The following FOXP2 variants were observed in gnomAD, a reference collection of about 807,000 sequenced individuals.
The protein encoded by FOXP2 is forkhead box protein P2.
Under a neutral mutation model 115.8 loss-of-function variants are expected in FOXP2, and 12 were observed. That is an observed-to-expected ratio of 0.10 (90% CI 0.07 to 0.17). FOXP2 has a LOEUF of 0.17. FOXP2 is among the 10% of genes least tolerant of loss of function. FOXP2 has a pLI of 1.00. For synonymous variants in FOXP2, 328 were observed against 297.7 expected (o/e 1.10, Z -1.05); for missense variants, 629 against 843.5 (o/e 0.75, Z 3.15).
chr7:114,213,357 A>G (rs1362576708), intron 1 of FOXP2, among the ~76,000 whole-genome samples: 1 of 152,200 alleles, frequency 6.6e-6, no homozygotes, highest in South Asian at 2.1e-4. Context: ...ATAACTGTAC[A>G]TTTTGGAGAA....
intron 1 of FOXP2, among the ~76,000 whole-genome samples, chr7:114,246,457 G>T (rs1204901255): frequency 1.3e-5 from 2 of 152,004 alleles, no homozygotes; most frequent in Admixed American, 6.6e-5. Context: ...TAAGATAAAA[G>T]AAGTAATATT....
rs74801898 is a variant in FOXP2 at position 114,322,497 on chromosome 7, A to G, written c.-11+34388A>G. On this transcript the variant is annotated intron_variant, in intron 2 of 17. Transcript: ENST00000634411. ...ACAAAACATTAATATAAATAAAACA[A>G]ATACTTACATTTAATTTTCCCCTGC... 3.2e-4 allele frequency among the ~76,000 whole-genome samples: 48 copies of G among 152,158 alleles called. No individual in the cohort carries two copies. The East Asian group carries it at 8.9e-3, about 28-fold the overall frequency.
chr7:114,107,056 A>T (rs1791136651), intron 1 of FOXP2, among the ~76,000 whole-genome samples: 1 of 151,974 alleles, frequency 6.6e-6, no homozygotes, highest in Admixed American at 6.6e-5. Flanking sequence ...ATAGGGTTAG[A>T]TAAATGATTT....
chr7:114,528,779 A>C (rs1246941350), intron 2 of FOXP2, among the ~76,000 whole-genome samples: 1 of 151,898 alleles, frequency 6.6e-6, no homozygotes, highest in African/African-American at 2.4e-5. Context: ...ATAATGAAAA[A>C]AAAAACCCTG....
intron 3 of FOXP2, among the ~76,000 whole-genome samples, chr7:114,615,522 G>A (rs1803892431): frequency 1.3e-5 from 2 of 152,090 alleles, no homozygotes; most frequent in African/African-American, 4.8e-5. Context: ...CTTTTGGCTT[G>A]GATATTATAA....
chr7:114,366,792 G>T (rs1295615922), intron 2 of FOXP2, among the ~76,000 whole-genome samples: 2 of 152,038 alleles, frequency 1.3e-5, no homozygotes, highest in Non-Finnish European at 2.9e-5. Context: ...TTTTGTCTTA[G>T]ATGCCATTTA....
At chr7:114,169,563 G>A (rs1192876186) in intron 1 of FOXP2, among the ~76,000 whole-genome samples, 3 of 152,152 alleles carry the variant, frequency 2.0e-5, no homozygotes, top group Non-Finnish European at 4.4e-5. Flanking sequence ...GGTTCATGGG[G>A]GGAAGGGACT....
chr7:114,202,006 T>C (rs1182638100), intron 1 of FOXP2, among the ~76,000 whole-genome samples: 1 of 152,190 alleles, frequency 6.6e-6, no homozygotes, highest in Non-Finnish European at 1.5e-5. Flanking sequence ...TCTCTGTTTA[T>C]AGATGAAAAA....
intron 1 of FOXP2, among the ~76,000 whole-genome samples, chr7:114,213,590 A>G (rs921847863): frequency 2.6e-5 from 4 of 152,170 alleles, no homozygotes; most frequent in Admixed American, 6.6e-5. Flanking sequence ...ATCTTTAAAA[A>G]CTATATTAAT....
At chr7:114,273,560 A>G (rs978239413) in intron 1 of FOXP2, among the ~76,000 whole-genome samples, 6 of 152,076 alleles carry the variant, frequency 3.9e-5, no homozygotes, top group African/African-American at 1.4e-4. Context: ...GTTTTTAACT[A>G]TAATAGTAGA....
chr7:114,628,745 A>C (rs778143718), intron 4 of FOXP2, 68 bp downstream of exon 4: 6 of 1,594,474 alleles, frequency 3.8e-6, no homozygotes, highest in Non-Finnish European at 5.2e-6. Flanking sequence ...TTGAAAGTGC[A>C]GTGGGCATAT....
intron 2 of FOXP2, among the ~76,000 whole-genome samples, chr7:114,430,385 AAG>A (rs1488255562): frequency 2.6e-5 from 4 of 151,736 alleles, no homozygotes; most frequent in African/African-American, 4.8e-5. Context: ...GTGCACCAAA[AAG>A]AGAATATATC....
intron 2 of FOXP2, among the ~76,000 whole-genome samples, chr7:114,392,528 G>C (rs1792628803): frequency 6.6e-6 from 1 of 152,166 alleles, no homozygotes; most frequent in Admixed American, 6.5e-5. Flanking sequence ...GAATCCTTGA[G>C]TGCTTCTCTG....
chr7:114,350,148 A>C (rs969599728), intron 2 of FOXP2, among the ~76,000 whole-genome samples: 1 of 152,084 alleles, frequency 6.6e-6, no homozygotes, highest in East Asian at 1.9e-4. Context: ...TTTTTATTTT[A>C]CTTTAAGTTC....
chr7:114,562,128 A>T (rs1800786980), intron 3 of FOXP2, among the ~76,000 whole-genome samples: 1 of 152,146 alleles, frequency 6.6e-6, no homozygotes, highest in African/African-American at 2.4e-5. Flanking sequence ...GGATGACCTT[A>T]AACACTTTCA....
intron 2 of FOXP2, among the ~76,000 whole-genome samples, chr7:114,431,322 G>A (rs1221859877): frequency 6.6e-6 from 1 of 151,826 alleles, no homozygotes; most frequent in African/African-American, 2.4e-5. Flanking sequence ...GTTACTGTGC[G>A]CTGACTCTGT....
chr7:114,312,137 A>G (rs1260366173), intron 2 of FOXP2, among the ~76,000 whole-genome samples: 1 of 152,010 alleles, frequency 6.6e-6, no homozygotes, highest in African/African-American at 2.4e-5. Context: ...AGTTCACCCA[A>G]ATCTCCATAT....
intron 2 of FOXP2, among the ~76,000 whole-genome samples, chr7:114,500,567 A>C (rs1584814287): frequency 2.6e-5 from 4 of 152,284 alleles, no homozygotes; most frequent in African/African-American, 9.6e-5. Flanking sequence ...CTTTCTTTTA[A>C]GAAATATCAT....
At chr7:114,134,547 A>G (rs958158694) in intron 1 of FOXP2, among the ~76,000 whole-genome samples, 1 of 151,738 alleles carries the variant, frequency 6.6e-6, no homozygotes, top group African/African-American at 2.4e-5. Context: ...CCCCGTCTCT[A>G]CTAAAAATAC....
Sources: allele counts gnomAD v4.1 joint callset (sites outside exome capture counted in the v4.1 genomes callset), GRCh38; gene constraint gnomAD v4.1.1; transcripts MANE v1.5; gene names NCBI Gene and HGNC (gene_info 2026-07-23, HGNC 2026-07-21).